The following ZNF780A variants were observed in gnomAD, a reference collection of about 807,000 sequenced individuals.
ZNF780A encodes the protein zinc finger protein 780A.
ZNF780A carries 40 observed loss-of-function variants against 56.7 expected under a neutral mutation model. The observed-to-expected ratio is 0.71, with a 90% CI of 0.55 to 0.92. The LOEUF (loss-of-function observed/expected upper bound fraction) is 0.92, where lower values mean the gene tolerates loss of function less well. Ranked by LOEUF, ZNF780A falls within the 40% of genes least tolerant of loss-of-function variation. The pLI is 0.00. For synonymous variants in ZNF780A, 231 were observed against 248.3 expected (o/e 0.93, Z 0.66); for missense variants, 672 against 783.3 (o/e 0.86, Z 1.70).
In ZNF780A at chr19:40,084,728, G is replaced by C; in HGVS notation, c.9+17C>G. On this transcript the variant is annotated intron_variant, in intron 3 of 5. Transcript: ENST00000683561. ...AAGTCACCATATTTCAAGGAAAAGA[G>C]AGAAATACAAACTTACATGGACCAT... The C allele has an allele frequency of 6.4e-7, 1 of 1,550,638 alleles. No individual in the cohort carries two copies. The highest frequency in any genetic ancestry group is 1.2e-5 in the South Asian group (1 of 83,970).
chr19:40,076,800 A>G (rs1974163563), intron 5 of ZNF780A, among the ~76,000 whole-genome samples: 1 of 152,056 alleles, frequency 6.6e-6, no homozygotes, highest in South Asian at 2.1e-4. Flanking sequence ...TTTGCTACCT[A>G]AGCACTCATC....
At chr19:40,079,820 T>G (rs1974371482) in intron 5 of ZNF780A, among the ~76,000 whole-genome samples, 1 of 152,068 alleles carries the variant, frequency 6.6e-6, no homozygotes, top group Non-Finnish European at 1.5e-5. Context: ...ACCTATGGGA[T>G]ACAGCAAAAG....
intron 2 of ZNF780A, chr19:40,089,141 G>A: frequency 1.1e-6 from 1 of 924,380 alleles, no homozygotes; most frequent in Non-Finnish European, 1.5e-6. Context: ...ACAATATTCT[G>A]TAGTCTTGAA....
intron 2 of ZNF780A, among the ~76,000 whole-genome samples, chr19:40,086,051 T>C (rs78739711): frequency 0.011 from 1,726 of 152,064 alleles, 25 homozygotes; most frequent in African/African-American, 0.04. Context: ...TAAATGTACA[T>C]ACACATTTCT....
intron 5 of ZNF780A, among the ~76,000 whole-genome samples, chr19:40,080,027 A>G (rs1380441867): frequency 1.3e-5 from 2 of 152,114 alleles, no homozygotes; most frequent in African/African-American, 4.8e-5. Context: ...CTAACCAAGA[A>G]GAAAAGAGAA....
intron 5 of ZNF780A, among the ~76,000 whole-genome samples, chr19:40,077,863 G>A (rs1555741377): frequency 3.0e-5 from 4 of 131,850 alleles, no homozygotes; most frequent in South Asian, 2.3e-4. Flanking sequence ...AAAAAAATGA[G>A]AATAAACACA....
At position 40,084,748 on chromosome 19, in the gene ZNF780A, G is replaced by C. The variant is rs1397416316; in HGVS notation, c.6C>G (p.Val2=). 2 of 1,552,426 alleles carry C rather than the reference G, an allele frequency of 1.3e-6. No individual in the cohort carries two copies. The highest frequency in any genetic ancestry group is 2.0e-5 in the Admixed American group (1 of 51,084). The stretch of plus-strand genomic sequence containing the variant: ...AAAGAGAGAAATACAAACTTACATG[G>C]ACCATGTTGCTAGAATTACAAAACT... M[V]HGSVTFRDVA... The change falls in exon 3 of 6, where the codon GTC becomes GTG. Residue 2 remains valine (V), a synonymous_variant. Transcript: ENST00000683561.
In ZNF780A at chr19:40,084,837, T is replaced by C. The variant is rs1974692845; in HGVS notation, c.-45-39A>G. The C allele has an allele frequency of 2.6e-6, 4 of 1,544,990 alleles. No homozygotes were observed. The South Asian group carries it at 3.6e-5, about 14-fold the overall frequency. On this transcript the variant is annotated intron_variant, in intron 2 of 5. Transcript: ENST00000683561. ...ACAACAAAAAGGCCACAATTAAAGC[T>C]GTGTCTCAAAAGCAAATAACTATTT...
At chr19:40,085,270 T>G in intron 2 of ZNF780A, 14 of 985,436 alleles carry the variant, frequency 1.4e-5, no homozygotes, top group Non-Finnish European at 1.6e-5. Flanking sequence ...AAAGCATATT[T>G]GCACTGGCAG....
In ZNF780A at chr19:40,075,133, T is replaced by G. The variant is rs896184393; in HGVS notation, c.1309A>C (p.Lys437Gln). 2 of 1,614,102 alleles carry G rather than the reference T, an allele frequency of 1.2e-6. No individual in the cohort carries two copies. The highest frequency in any genetic ancestry group is 1.7e-6 in the Non-Finnish European group (2 of 1,180,004). ...NRGAHLIQHQ[K>Q]IHSNEKPFVC... The stretch of plus-strand genomic sequence containing the variant: ...AAAGGTTTCTCATTGGAATGAATTT[T>G]CTGATGCTGAATAAGGTGTGCACCA... Residue 437 changes from lysine (K) to glutamine (Q), a missense_variant, in exon 6 of 6, where the codon AAA becomes CAA. By Grantham distance (53) the Lys-to-Gln change is moderately conservative. Coordinates refer to ENST00000683561, the MANE Select transcript of ZNF780A (RefSeq NM_001142578.2).
Position 40,075,659 on chromosome 19 carries a change from G to C in ZNF780A, c.783C>G (p.Ser261Arg). 6.2e-7 allele frequency: 1 copy of C among 1,613,010 alleles called. No homozygotes were observed. The highest frequency in any genetic ancestry group is 8.5e-7 in the Non-Finnish European group (1 of 1,179,748). The change falls in exon 6 of 6, where the codon AGC (serine) becomes AGG (arginine). Residue 261 changes from serine (S) to arginine (R), a missense_variant. Physicochemically the swap from Ser to Arg is moderately radical, Grantham distance 110. Transcript: ENST00000683561. ...CKECGKSFNR[S>R]SNLVQHQSIH... is the part of the protein sequence containing the mutation. Reference sequence around the variant, plus strand: ...TACTCTGATGTTGAACAAGGTTTGAGCTACGATTAAAGGACTTCCCACATT... The same window carrying C: ...TACTCTGATGTTGAACAAGGTTTGACCTACGATTAAAGGACTTCCCACATT...
At chr19:40,081,744 C>T in intron 5 of ZNF780A, 75 bp downstream of exon 5, 1 of 1,288,012 alleles carries the variant, frequency 7.8e-7, no homozygotes, top group Non-Finnish European at 1.1e-6. Context: ...AACCACATCT[C>T]AAGTGTATGA....
rs1268836644 is a variant in ZNF780A, at chr19:40,074,761, C to T, written c.1681G>A (p.Glu561Lys). The change falls in exon 6 of 6, where the codon GAA (glutamate) becomes AAA (lysine). Residue 561 changes from glutamate to lysine, a missense_variant. Coordinates refer to ENST00000683561, the MANE Select transcript of ZNF780A (RefSeq NM_001142578.2). ...HTGKKPFECK[E>K]CGKAFRLHMH... ...TGAAGTCGAAAGGCTTTCCCACATT[C>T]CTTACATTCAAAGGGTTTCTTTCCA... The T allele has an allele frequency of 1.2e-6, 2 of 1,614,048 alleles. No homozygotes were observed. The highest frequency in any genetic ancestry group is 2.7e-5 in the African/African-American group (2 of 74,914).
At chr19:40,072,994 A>T (rs532813585), downstream of ZNF780A, 1 of 1,538,660 alleles carries the variant, frequency 6.5e-7, no homozygotes, top group East Asian at 2.5e-5. Context: ...AAATGGAATG[A>T]TATTACAGAA....
At chr19:40,083,050 G>A in intron 4 of ZNF780A, 61 bp downstream of exon 4, 2 of 1,612,700 alleles carry the variant, frequency 1.2e-6, no homozygotes, top group African/African-American at 1.3e-5. Flanking sequence ...GAAATTCACG[G>A]TGAAGAAAGC....
At position 40,084,755 on chromosome 19, in the gene ZNF780A, T is replaced by C; in HGVS notation, c.-2A>G. ...GAAATACAAACTTACATGGACCATG[T>C]TGCTAGAATTACAAAACTGGTCAAT... On this transcript the variant is annotated 5_prime_UTR_variant, in exon 3 of 6. Transcript: ENST00000683561. 1.3e-6 allele frequency: 2 copies of C among 1,552,774 alleles called. No homozygotes were observed. Among genetic ancestry groups the C allele is most frequent in the South Asian group, 2.4e-5 (2 of 84,108 alleles).
chr19:40,076,370 A>G (rs1180637419), intron 5 of ZNF780A, among the ~76,000 whole-genome samples, 161 bp from the exon 6 acceptor site: 1 of 152,170 alleles, frequency 6.6e-6, no homozygotes, highest in African/African-American at 2.4e-5. Flanking sequence ...TTCTCATATC[A>G]CTTCTGTTTC....
At chr19:40,069,987 A>G (rs1286230616), downstream of ZNF780A, 1 of 152,192 alleles carries the variant, frequency 6.6e-6, no homozygotes, top group Non-Finnish European at 1.5e-5. Flanking sequence ...AGGAGGGCCA[A>G]ATAAAAATCA....
intron 5 of ZNF780A, among the ~76,000 whole-genome samples, chr19:40,078,423 T>A (rs995801545): frequency 1.3e-5 from 2 of 152,078 alleles, no homozygotes; most frequent in Admixed American, 1.3e-4. Flanking sequence ...GATGTAGACA[T>A]CCAGATACAG....
Sources: gnomAD v4.1 joint callset for allele counts (sites outside exome capture counted in the v4.1 genomes callset) on GRCh38, gnomAD v4.1.1 for gene constraint, MANE v1.5 for transcripts, NCBI Gene and HGNC (gene_info 2026-07-23, HGNC 2026-07-21) for gene names.